IQGAP1: variants seen among roughly 807,000 people sequenced by gnomAD.
The protein encoded by IQGAP1 is ras GTPase-activating-like protein IQGAP1.
A neutral mutation model predicts 215.6 loss-of-function variants in IQGAP1; 66 were observed. The ratio of observed to expected loss-of-function variants is 0.31; its 90% CI spans 0.25 to 0.38. The LOEUF (loss-of-function observed/expected upper bound fraction) is 0.38. Ranked by LOEUF, IQGAP1 falls within the 10% of genes least tolerant of loss-of-function variation. The pLI is 1.00. For synonymous variants in IQGAP1, 772 were observed against 728.7 expected, an observed-to-expected ratio of 1.06 and a Z score of -0.96; for missense variants, 1,712 against 1,997.1, an observed-to-expected ratio of 0.86 and a Z score of 2.72.
intron 2 of IQGAP1, among the ~76,000 whole-genome samples, chr15:90,396,490 G>C (rs1375891392): frequency 6.6e-6 from 1 of 152,122 alleles, no homozygotes; most frequent in African/African-American, 2.4e-5. Context: ...GAGACCCAGT[G>C]TGACTAAAGG....
intron 15 of IQGAP1, among the ~76,000 whole-genome samples, chr15:90,457,972 C>T (rs1237535859): frequency 6.6e-6 from 1 of 152,160 alleles, no homozygotes; most frequent in Non-Finnish European, 1.5e-5. Context: ...GCAGTCATCA[C>T]CACAGTCAAT....
At chr15:90,469,470 G>A (rs987582319) in intron 18 of IQGAP1, among the ~76,000 whole-genome samples, 11 of 152,156 alleles carry the variant, frequency 7.2e-5, no homozygotes, top group Non-Finnish European at 1.3e-4. Flanking sequence ...CCCTTCCAGT[G>A]TTTCATCTTC....
intron 8 of IQGAP1, among the ~76,000 whole-genome samples, chr15:90,442,843 A>G (rs892791645): frequency 1.2e-4 from 18 of 152,264 alleles, no homozygotes; most frequent in African/African-American, 2.4e-4. Flanking sequence ...ATGATGGTGC[A>G]CGCCTGTAGT....
intron 2 of IQGAP1, among the ~76,000 whole-genome samples, chr15:90,421,931 G>A (rs1406961206): frequency 1.3e-5 from 2 of 152,238 alleles, no homozygotes; most frequent in African/African-American, 4.8e-5. Context: ...AAAGTGCTGG[G>A]ATTACAGGCG....
At chr15:90,498,085 C>A (rs2151041877) in intron 37 of IQGAP1, among the ~76,000 whole-genome samples, 1 of 151,402 alleles carries the variant, frequency 6.6e-6, no homozygotes, top group South Asian at 2.1e-4. Flanking sequence ...TTTGTTCCTC[C>A]ATGGAGTACT....
rs1003140013 is a variant in IQGAP1, at chr15:90,471,526, T to C, written c.2179-1314T>C. On this transcript the variant is annotated intron_variant, in intron 18 of 37. Coordinates refer to ENST00000268182, the MANE Select transcript of IQGAP1 (RefSeq NM_003870.4). ...TCTTTTTTTTTTTTTTGAAGCGGAG[T>C]TTCGCTCTTGTTGCCCAGGCTGGAA... is the stretch of plus-strand genomic sequence containing the variant. Among the ~76,000 whole-genome samples the C allele has an allele frequency of 2.7e-5, 4 of 149,130 alleles. No individual in the cohort carries two copies. In the Admixed American group the frequency reaches 2.7e-4, roughly 10 times the overall value.
At chr15:90,488,832 A>G (rs1313341887) in intron 33 of IQGAP1, among the ~76,000 whole-genome samples, 3 of 152,196 alleles carry the variant, frequency 2.0e-5, no homozygotes, top group Non-Finnish European at 4.4e-5. Context: ...CGACTAGACT[A>G]CATGTCTAGA....
chr15:90,476,525 G>C (rs1965982326), intron 23 of IQGAP1, 138 bp from the exon 24 acceptor site: 1 of 533,514 alleles, frequency 1.9e-6, no homozygotes, highest in East Asian at 3.1e-5. Context: ...AAAGTGTAGT[G>C]GTTTTTAAAT....
intron 26 of IQGAP1, among the ~76,000 whole-genome samples, chr15:90,478,657 G>A (rs754494404): frequency 6.6e-6 from 1 of 152,152 alleles, no homozygotes; most frequent in Non-Finnish European, 1.5e-5. Flanking sequence ...AAGCTAAGAT[G>A]AACCCAGCCT....
At chr15:90,474,345 G>C (rs769233704) in intron 22 of IQGAP1, 140 bp from the exon 23 acceptor site, 110 of 795,636 alleles carry the variant, frequency 1.4e-4, no homozygotes, top group Non-Finnish European at 2.0e-4. Flanking sequence ...GCCTGACACA[G>C]AAGACTGCAC....
At chr15:90,406,463 G>A (rs1334738903) in intron 2 of IQGAP1, among the ~76,000 whole-genome samples, 4 of 152,182 alleles carry the variant, frequency 2.6e-5, no homozygotes, top group Non-Finnish European at 4.4e-5. Context: ...GTGCCCGGCC[G>A]GGGTTTGTTT....
intron 37 of IQGAP1, among the ~76,000 whole-genome samples, chr15:90,499,219 G>A (rs1966311679): frequency 6.6e-6 from 1 of 152,190 alleles, no homozygotes; most frequent in Non-Finnish European, 1.5e-5. Context: ...TCAGGACAAT[G>A]GTGAAAGTAG....
intron 19 of IQGAP1, 164 bp downstream of exon 19, chr15:90,473,174 G>A: frequency 1.6e-6 from 1 of 644,212 alleles, no homozygotes; most frequent in Non-Finnish European, 2.7e-6. Flanking sequence ...TTTAACTGTA[G>A]TGTGCCTACA....
chr15:90,435,597 C>G (rs1359216481), intron 5 of IQGAP1, among the ~76,000 whole-genome samples: 1 of 152,182 alleles, frequency 6.6e-6, no homozygotes, highest in Non-Finnish European at 1.5e-5. Context: ...TTGTGAAGGC[C>G]TTACCTGCAA....
chr15:90,453,265 C>A lies in IQGAP1; in HGVS notation c.1460C>A (p.Thr487Asn). 1 of 1,612,880 alleles carries A rather than the reference C, an allele frequency of 6.2e-7. No individual in the cohort carries two copies. The highest frequency in any genetic ancestry group is 8.5e-7 in the Non-Finnish European group (1 of 1,179,472). The change falls in exon 13 of 38, where the codon ACC (threonine) becomes AAC (asparagine). Residue 487 changes from threonine to asparagine, a missense_variant. By Grantham distance (65) the Thr-to-Asn change is moderately conservative (BLOSUM62 0). Transcript: ENST00000268182. ...KQLSSSVTGL[T>N]NIEEENCQRY... ...TTGAGCAGTTCAGTTACTGGTCTTA[C>A]CAATATTGAGGAAGAAAACTGTCAG...
chr15:90,476,668 G>A lies in IQGAP1; in HGVS notation c.2790G>A (p.Val930=), dbSNP rs750520227. The change falls in exon 24 of 38, where the codon GTG becomes GTA. Residue 930 remains valine, a synonymous_variant. Coordinates refer to ENST00000268182, the MANE Select transcript of IQGAP1 (RefSeq NM_003870.4). ...LVKNKITLQD[V]VSHSKKLTKK... ...TTATTGGTTTTTGTTTATAGGATGT[G>A]GTTTCCCACAGTAAAAAACTTACCA... 4.4e-6 allele frequency: 7 copies of A among 1,577,080 alleles called. No individual in the cohort carries two copies. Among genetic ancestry groups the A allele is most frequent in the Non-Finnish European group, 6.0e-6 (7 of 1,168,340 alleles).
rs1463690146 is a variant in IQGAP1, at chr15:90,444,242, A to ACT, written c.913+765_913+766dup. Among the ~76,000 whole-genome samples the ACT allele has an allele frequency of 8.3e-3, 909 of 109,958 alleles. 9 individuals are homozygous for ACT. The highest frequency in any genetic ancestry group is 0.025 in the Middle Eastern group (5 of 202). 72.1% of individuals were successfully genotyped at this position (109,958 alleles called of 152,430 possible). ...GGCATTTTTTTGTATGTCCTTCAAA[A>ACT]CTGTGTGTGTGTGTGTGTGTGTGTG... On this transcript the variant is annotated intron_variant, in intron 9 of 37. Transcript: ENST00000268182.
chr15:90,393,021 A>G (rs1473612389), intron 2 of IQGAP1, among the ~76,000 whole-genome samples: 1 of 152,014 alleles, frequency 6.6e-6, no homozygotes, highest in East Asian at 1.9e-4. Context: ...CTGGAATTAC[A>G]AACGTGAGCT....
At chr15:90,428,465 C>G (rs918782765) in intron 3 of IQGAP1, among the ~76,000 whole-genome samples, 1 of 151,676 alleles carries the variant, frequency 6.6e-6, no homozygotes, top group Non-Finnish European at 1.5e-5. Flanking sequence ...AAAAGGAGAG[C>G]GGAGACTCTG....
Sources: gnomAD v4.1 joint callset for allele counts (sites outside exome capture counted in the v4.1 genomes callset) on GRCh38, gnomAD v4.1.1 for gene constraint, MANE v1.5 for transcripts, NCBI Gene and HGNC (gene_info 2026-07-23, HGNC 2026-07-21) for gene names.